FRMD4A: variants seen among roughly 807,000 people sequenced by gnomAD.
FRMD4A encodes the protein FERM domain-containing protein 4A.
Under a neutral mutation model 129.1 loss-of-function variants are expected in FRMD4A, and 29 were observed. That is an observed-to-expected ratio of 0.22 (90% CI 0.17 to 0.31). The LOEUF is 0.31. Among genes scored for constraint, FRMD4A ranks in the 10% least tolerant of loss-of-function variants. The pLI, the probability that FRMD4A is intolerant of heterozygous loss-of-function variation, is 1.00. For missense variants in FRMD4A, 1,272 were observed against 1,375.8 expected, an observed-to-expected ratio of 0.92 and a Z score of 1.19; for synonymous variants, 634 against 571.6, an observed-to-expected ratio of 1.11 and a Z score of -1.56.
intron 2 of FRMD4A, among the ~76,000 whole-genome samples, chr10:14,028,114 AT>A (rs1833067120): frequency 6.6e-6 from 1 of 152,208 alleles, no homozygotes; most frequent in South Asian, 2.1e-4. Flanking sequence ...TAGTAACTAT[AT>A]TCTAACTACC....
chr10:14,181,048 A>T (rs1449444371), intron 2 of FRMD4A, among the ~76,000 whole-genome samples: 1 of 152,226 alleles, frequency 6.6e-6, no homozygotes, highest in Non-Finnish European at 1.5e-5. Context: ...GCCTAAAGTT[A>T]TCAGCAATCG....
intron 3 of FRMD4A, among the ~76,000 whole-genome samples, chr10:13,824,923 T>C (rs1055575836): frequency 2.1e-5 from 3 of 140,334 alleles, no homozygotes; most frequent in Non-Finnish European, 4.6e-5. Context: ...AAAAGAGTAA[T>C]CAAGAGATGA....
At chr10:13,796,295 TC>T (rs1452458549) in intron 5 of FRMD4A, among the ~76,000 whole-genome samples, 200 bp downstream of exon 5, 2 of 152,116 alleles carry the variant, frequency 1.3e-5, no homozygotes, top group Non-Finnish European at 2.9e-5. Flanking sequence ...AATACACACA[TC>T]CTTGCACACT....
At chr10:13,664,628 A>G (rs2082873961) in intron 18 of FRMD4A, among the ~76,000 whole-genome samples, 3 of 152,186 alleles carry the variant, frequency 2.0e-5, no homozygotes, top group African/African-American at 7.2e-5. Context: ...TTAGGCTGCA[A>G]ATCTGCATCT....
intron 2 of FRMD4A, among the ~76,000 whole-genome samples, chr10:14,230,262 G>A (rs941452334): frequency 6.6e-6 from 1 of 152,124 alleles, no homozygotes; most frequent in Non-Finnish European, 1.5e-5. Flanking sequence ...GTACCATTTT[G>A]CCAGTTGTTG....
chr10:13,743,357 C>T (rs2091116268), intron 9 of FRMD4A, among the ~76,000 whole-genome samples: 1 of 152,150 alleles, frequency 6.6e-6, no homozygotes, highest in Non-Finnish European at 1.5e-5. Flanking sequence ...TCAACAGCTG[C>T]CTTGGCGTGT....
At chr10:14,182,879 G>A (rs191409461) in intron 2 of FRMD4A, among the ~76,000 whole-genome samples, 24 of 152,308 alleles carry the variant, frequency 1.6e-4, no homozygotes, top group African/African-American at 4.6e-4. Context: ...GGAAGCAAAC[G>A]TTGGGAGAAG....
At chr10:13,719,769 C>G (rs890191104) in intron 12 of FRMD4A, among the ~76,000 whole-genome samples, 1 of 152,180 alleles carries the variant, frequency 6.6e-6, no homozygotes, top group African/African-American at 2.4e-5. Context: ...GGTTTCCCAA[C>G]TGAACAGATC....
chr10:14,321,353 A>G (rs140175118), intron 2 of FRMD4A, among the ~76,000 whole-genome samples: 1 of 147,768 alleles, frequency 6.8e-6, no homozygotes, highest in Non-Finnish European at 1.5e-5. Flanking sequence ...ATGAATATAT[A>G]TATAATTCAT....
chr10:14,096,139 G>T (rs575451780), intron 2 of FRMD4A, among the ~76,000 whole-genome samples: 18 of 152,132 alleles, frequency 1.2e-4, no homozygotes, highest in Non-Finnish European at 1.8e-4. Flanking sequence ...TGAGACTTTC[G>T]GGGCTGATTA....
In FRMD4A at chr10:14,003,329, G is replaced by A. The variant is rs190613969; in HGVS notation, c.46-144417C>T. Among the ~76,000 whole-genome samples, 5 of 152,278 alleles carry A rather than the reference G, an allele frequency of 3.3e-5. No homozygotes were observed. The East Asian group carries it at 9.6e-4, about 29-fold the overall frequency. Reference sequence around the variant, plus strand: ...TGGGTTTTAGGAAGCTGGGGGTGTTGGAGGAGAAGCAGGATTATTAGGAGA... The same window carrying A: ...TGGGTTTTAGGAAGCTGGGGGTGTTAGAGGAGAAGCAGGATTATTAGGAGA... On this transcript the variant is annotated intron_variant, in intron 2 of 24. Transcript: ENST00000357447.
rs34059772 is a variant in FRMD4A at position 13,777,791 on chromosome 10, A to ATTTTT, written c.384+5126_384+5130dup. On this transcript the variant is annotated intron_variant, in intron 6 of 24. Coordinates refer to ENST00000357447, the MANE Select transcript of FRMD4A (RefSeq NM_018027.5). ...GTCTGCCCAAGTAGGCTTTGGGTCA[A>ATTTTT]TTTTTTTTTTTTTTTTTTTTTTTTT... Among the ~76,000 whole-genome samples, 78 of 85,982 alleles carry ATTTTT rather than the reference A, an allele frequency of 9.1e-4. 1 individual carries two copies. Among genetic ancestry groups the ATTTTT allele is most frequent in the African/African-American group, 2.8e-3 (62 of 22,474 alleles). 56.4% of individuals were successfully genotyped at this position (85,982 alleles called of 152,430 possible).
intron 2 of FRMD4A, among the ~76,000 whole-genome samples, chr10:13,992,253 T>C (rs1203492493): frequency 6.6e-6 from 1 of 152,050 alleles, no homozygotes; most frequent in Non-Finnish European, 1.5e-5. Context: ...GTTCAAGGGG[T>C]TTCTACAAAC....
At chr10:14,203,467 ATC>A (rs1264674434) in intron 2 of FRMD4A, among the ~76,000 whole-genome samples, 1 of 152,236 alleles carries the variant, frequency 6.6e-6, no homozygotes, top group Admixed American at 6.5e-5. Context: ...TCCAGAAAGT[ATC>A]TAGACACTAG....
At chr10:14,213,788 G>A (rs532118792) in intron 2 of FRMD4A, among the ~76,000 whole-genome samples, 25 of 152,302 alleles carry the variant, frequency 1.6e-4, no homozygotes, top group South Asian at 4.1e-4. Context: ...CAAGTGTTGC[G>A]GGAGGGACCT....
chr10:14,253,300 A>G (rs749827534), intron 2 of FRMD4A, among the ~76,000 whole-genome samples: 5 of 152,186 alleles, frequency 3.3e-5, no homozygotes, highest in Non-Finnish European at 7.4e-5. Context: ...TAAATAGTGA[A>G]TTCCTCTCCT....
chr10:14,189,654 A>G (rs1842256694), intron 2 of FRMD4A, among the ~76,000 whole-genome samples: 1 of 152,228 alleles, frequency 6.6e-6, no homozygotes, highest in African/African-American at 2.4e-5. Context: ...TTGTTCTTGT[A>G]TAAATATCCT....
At chr10:13,671,315 G>A (rs1236007260) in intron 16 of FRMD4A, among the ~76,000 whole-genome samples, 1 of 152,094 alleles carries the variant, frequency 6.6e-6, no homozygotes, top group South Asian at 2.1e-4. Context: ...TTAGCTGGGC[G>A]TGGTGGTAAG....
At chr10:13,663,893 G>C (rs185199776) in intron 18 of FRMD4A, among the ~76,000 whole-genome samples, 77 of 152,360 alleles carry the variant, frequency 5.1e-4, no homozygotes, top group African/African-American at 1.8e-3. Flanking sequence ...AACTGCTTTT[G>C]ATTCTACAAA....
Sources: allele counts gnomAD v4.1 joint callset (sites outside exome capture counted in the v4.1 genomes callset), GRCh38; gene constraint gnomAD v4.1.1; transcripts MANE v1.5; gene names NCBI Gene and HGNC (gene_info 2026-07-23, HGNC 2026-07-21).